The following IL10 variants were observed in gnomAD, a reference collection of about 807,000 sequenced individuals.
IL10 encodes the protein interleukin-10.
IL10 carries 7 observed loss-of-function variants against 21.0 expected under a neutral mutation model. The observed-to-expected ratio is 0.33, with a 90% CI of 0.19 to 0.63. The LOEUF is 0.63. IL10 is among the 20% of genes least tolerant of loss of function. The pLI is 0.77. For missense variants in IL10, 161 were observed against 213.0 expected (o/e 0.76, Z 1.52); for synonymous variants, 83 against 79.7 (o/e 1.04, Z -0.22).
At position 206,768,672 on chromosome 1, in the gene IL10, G is replaced by A; in HGVS notation, c.501C>T (p.Tyr167=). The A allele has an allele frequency of 1.2e-6, 2 of 1,608,912 alleles. No individual in the cohort carries two copies. The highest frequency in any genetic ancestry group is 1.7e-4 in the Middle Eastern group (1 of 6,044). The change falls in exon 5 of 5, where the codon TAC becomes TAT. Residue 167 remains tyrosine, a synonymous_variant. Coordinates refer to ENST00000423557, the MANE Select transcript of IL10 (RefSeq NM_000572.3). The part of the protein sequence containing the change: ...AMSEFDIFIN[Y]IEAYMTMKIR... ...TCTTCATTGTCATGTAGGCTTCTAT[G>A]TAGTTGATGAAGATGTCAAACTCAC...
At position 206,768,496 on chromosome 1, in the gene IL10, A is replaced by G; in HGVS notation, c.*140T>C. On this transcript the variant is annotated 3_prime_UTR_variant, in exon 5 of 5. Coordinates refer to ENST00000423557, the MANE Select transcript of IL10 (RefSeq NM_000572.3). ...AATAAATAGAAATGGGGGTTGAGGT[A>G]TCAGAGGTAATAAATATTCTATAAG... is the stretch of plus-strand genomic sequence containing the variant. 1.5e-6 allele frequency: 1 copy of G among 657,662 alleles called. No homozygotes were observed. The highest frequency in any genetic ancestry group is 1.7e-5 in the South Asian group (1 of 60,208). 40.7% of individuals were successfully genotyped at this position (657,662 alleles called of 1,614,324 possible).
rs1027084045 is a variant in IL10 at position 206,769,602 on chromosome 1, G to A, written c.444+227C>T. Reference sequence around the variant, plus strand: ...CAGCCTAACCCGCAAGCCTGCAAAGGCAGCGAGCAGTCATTTAGAAACCCC... The same window carrying A: ...CAGCCTAACCCGCAAGCCTGCAAAGACAGCGAGCAGTCATTTAGAAACCCC... On this transcript the variant is annotated intron_variant, in intron 4 of 4. Coordinates refer to ENST00000423557, the MANE Select transcript of IL10 (RefSeq NM_000572.3). 1.5e-5 allele frequency: 9 copies of A among 602,458 alleles called. No individual in the cohort carries two copies. In the Admixed American group the frequency reaches 1.9e-4, roughly 12 times the overall value. The allele number at this position is 602,458 out of a possible 1,614,324, so 37.3% of individuals were successfully genotyped here.
chr1:206,770,648 T>C (rs1207437194), intron 3 of IL10: 3 of 519,486 alleles, frequency 5.8e-6, no homozygotes, highest in Middle Eastern at 5.1e-4. Flanking sequence ...GAGAGGGGAG[T>C]AGTTAATAAC....
intron 1 of IL10, 76 bp from the exon 2 acceptor site, chr1:206,771,491 C>A: frequency 1.6e-6 from 2 of 1,215,612 alleles, no homozygotes; most frequent in South Asian, 2.7e-5. Flanking sequence ...GATGCCCTTT[C>A]ATTTAGAGAT....
Position 206,768,742 on chromosome 1 carries a change from T to A in IL10, c.445-14A>T, listed in dbSNP as rs1168661969. 2 of 1,527,312 alleles carry A rather than the reference T, an allele frequency of 1.3e-6. No individual in the cohort carries two copies. Among genetic ancestry groups the A allele is most frequent in the African/African-American group, 2.7e-5 (2 of 73,188 alleles). The allele number at this position is 1,527,312 out of a possible 1,614,324, so 94.6% of individuals were successfully genotyped here. ...TTTCTCTTGGAGCTGTGCAGAGAGATAAGAAACATACAGTTAAAATCCTTT... is the reference window on the plus strand; with the variant it reads ...TTTCTCTTGGAGCTGTGCAGAGAGAAAAGAAACATACAGTTAAAATCCTTT... On this transcript the variant is annotated splice_polypyrimidine_tract_variant and intron_variant, in intron 4 of 4. Transcript: ENST00000423557.
chr1:206,770,580 T>C (rs1052269435), intron 3 of IL10: 1 of 387,304 alleles, frequency 2.6e-6, no homozygotes, highest in Non-Finnish European at 4.8e-6. Flanking sequence ...CCGCCCAGGG[T>C]CTAGTTACAA....
At chr1:206,771,505 T>C in intron 1 of IL10, 90 bp from the exon 2 acceptor site, 2 of 1,144,388 alleles carry the variant, frequency 1.7e-6, no homozygotes, top group South Asian at 2.7e-5. Context: ...TAGAGATTTT[T>C]TTTTTTAAAT....
At chr1:206,771,939 G>T (rs1279454725) in intron 1 of IL10, among the ~76,000 whole-genome samples, 1 of 152,172 alleles carries the variant, frequency 6.6e-6, no homozygotes, top group South Asian at 2.1e-4. Context: ...TGCAAGGCAT[G>T]GGGAGCATCT....
chr1:206,770,697 A>G, intron 3 of IL10: 2 of 596,278 alleles, frequency 3.4e-6, no homozygotes, highest in Admixed American at 2.9e-5. Context: ...GCTGTTTGCA[A>G]ATTTCACATG....
chr1:206,769,438 T>C (rs1197599701), intron 4 of IL10, among the ~76,000 whole-genome samples: 1 of 152,178 alleles, frequency 6.6e-6, no homozygotes, highest in Admixed American at 6.5e-5. Context: ...CCCAGGTGTA[T>C]TTGTATGTGC....
chr1:206,768,189 G>T lies in IL10; in HGVS notation c.*447C>A, dbSNP rs575113742. ...TCTCTTCCTAAGAGTATTTGTAGCA[G>T]TTAGGAAGCCCCAAGCCCAGAGACA... On this transcript the variant is annotated 3_prime_UTR_variant, in exon 5 of 5. Transcript: ENST00000423557. The T allele has an allele frequency of 1.6e-5, 4 of 246,750 alleles. 1 individual carries two copies. The highest frequency in any genetic ancestry group is 1.1e-4 in the South Asian group (1 of 8,872). The allele number at this position is 246,750 out of a possible 1,614,324, so 15.3% of individuals were successfully genotyped here.
chr1:206,770,861 G>A (rs1558602740), intron 3 of IL10, 46 bp downstream of exon 3: 1 of 1,586,390 alleles, frequency 6.3e-7, no homozygotes, highest in Non-Finnish European at 8.7e-7. Flanking sequence ...GTAGGAGATG[G>A]TATTTTGGGG....
At chr1:206,771,940 G>A (rs1265305811) in intron 1 of IL10, among the ~76,000 whole-genome samples, 1 of 152,120 alleles carries the variant, frequency 6.6e-6, no homozygotes, top group African/African-American at 2.4e-5. Flanking sequence ...GCAAGGCATG[G>A]GGAGCATCTT....
chr1:206,770,041 T>G, intron 3 of IL10, 147 bp from the exon 4 acceptor site: 1 of 713,508 alleles, frequency 1.4e-6, no homozygotes, highest in Admixed American at 2.0e-5. Context: ...GAGCCCTGCT[T>G]CCATGGCCCT....
chr1:206,769,499 C>A (rs1404485540), intron 4 of IL10: 2 of 443,646 alleles, frequency 4.5e-6, no homozygotes, highest in Non-Finnish European at 8.4e-6. Flanking sequence ...AGATTCCCAA[C>A]AAGCTACTTT....
intron 4 of IL10, chr1:206,769,479 G>A (rs1407054815): frequency 7.5e-6 from 3 of 402,424 alleles, no homozygotes; most frequent in Non-Finnish European, 1.4e-5. Flanking sequence ...TGCACGTGTG[G>A]GTTCAGCCTA....
chr1:206,768,643 C>T lies in IL10; in HGVS notation c.530G>A (p.Arg177Gln), dbSNP rs376415487. The T allele has an allele frequency of 4.8e-5, 76 of 1,590,454 alleles. No individual in the cohort carries two copies. The highest frequency in any genetic ancestry group is 5.6e-5 in the Non-Finnish European group (65 of 1,158,614). ...YIEAYMTMKI[R>Q]N ...AGTCGCCACCCTGATGTCTCAGTTT[C>T]GTATCTTCATTGTCATGTAGGCTTC... Residue 177 changes from arginine (R) to glutamine (Q), a missense_variant, in exon 5 of 5, where the codon CGA becomes CAA. Physicochemically the swap from Arg to Gln is conservative, Grantham distance 43 (BLOSUM62 1). Coordinates refer to ENST00000423557, the MANE Select transcript of IL10 (RefSeq NM_000572.3).
intron 4 of IL10, chr1:206,769,532 C>T: frequency 1.9e-6 from 1 of 514,878 alleles, no homozygotes; most frequent in South Asian, 2.2e-5. Flanking sequence ...TTTCCTTTGT[C>T]ACTCTCCCCA....
Position 206,769,053 on chromosome 1 carries a change from G to T in IL10, c.445-325C>A, listed in dbSNP as rs544287270. 6.6e-5 allele frequency among the ~76,000 whole-genome samples: 10 copies of T among 152,292 alleles called. No homozygotes were observed. The South Asian group carries it at 2.1e-3, about 32-fold the overall frequency. ...TTGATGAAAAGACATTAGAGGAAGC[G>T]CTTCGAAAGCAAGACGGTGAGAGGA... On this transcript the variant is annotated intron_variant, in intron 4 of 4. Transcript: ENST00000423557.
Sources: gnomAD v4.1 joint callset for allele counts (sites outside exome capture counted in the v4.1 genomes callset) on GRCh38, gnomAD v4.1.1 for gene constraint, MANE v1.5 for transcripts, NCBI Gene and HGNC (gene_info 2026-07-23, HGNC 2026-07-21) for gene names.